PRICKLE2: variants seen among roughly 807,000 people sequenced by gnomAD.
PRICKLE2 encodes prickle planar cell polarity protein 2.
A neutral mutation model predicts 81.4 loss-of-function variants in PRICKLE2; 21 were observed. The observed-to-expected ratio is 0.26, with a 90% CI of 0.18 to 0.37. The LOEUF (loss-of-function observed/expected upper bound fraction) is 0.37, where lower values mean the gene tolerates loss of function less well. Among genes scored for constraint, PRICKLE2 ranks in the 10% least tolerant of loss-of-function variants. The pLI is 1.00. For missense variants in PRICKLE2, 940 were observed against 1,109.0 expected (o/e 0.85, Z 2.16); for synonymous variants, 456 against 421.5 (o/e 1.08, Z -1.00).
At chr3:64,129,340 T>C (rs2077165360) in intron 7 of PRICKLE2, among the ~76,000 whole-genome samples, 1 of 152,204 alleles carries the variant, frequency 6.6e-6, no homozygotes, top group South Asian at 2.1e-4. Context: ...AGCATTAATG[T>C]AAAGATTAAC....
At chr3:64,179,612 AT>A (rs1295156917) in intron 2 of PRICKLE2, among the ~76,000 whole-genome samples, 1 of 152,166 alleles carries the variant, frequency 6.6e-6, no homozygotes, top group Non-Finnish European at 1.5e-5. Flanking sequence ...GGCAATTCAA[AT>A]TTTTTATCCC....
chr3:64,110,855 G>C (rs748530482), intron 7 of PRICKLE2, among the ~76,000 whole-genome samples: 1 of 151,272 alleles, frequency 6.6e-6, no homozygotes, highest in Admixed American at 6.6e-5. Context: ...TAAAAGTGTC[G>C]GGAGGCTGAG....
intron 7 of PRICKLE2, among the ~76,000 whole-genome samples, chr3:64,140,887 CAGCTAA>C (rs2077350796): frequency 6.6e-6 from 1 of 152,188 alleles, no homozygotes; most frequent in South Asian, 2.1e-4. Context: ...CCTATCCCTT[CAGCTAA>C]AGCCGTTGTG....
Position 64,099,947 on chromosome 3 carries a change from C to G in PRICKLE2, c.1661-22G>C, listed in dbSNP as rs1369055327. The G allele has an allele frequency of 1.1e-5, 18 of 1,613,106 alleles. No homozygotes were observed. The East Asian group carries it at 3.8e-4, about 34-fold the overall frequency. ...AGGCCTGGGGAAGAGAGGAGGGGAC[C>G]ACAGAGATTAATACAGATGTGCAGC... On this transcript the variant is annotated intron_variant, in intron 7 of 7. Coordinates refer to ENST00000638394, the MANE Select transcript of PRICKLE2 (RefSeq NM_198859.4). This position sits in a 1 kb window ranked among gnomAD's most constrained non-coding sequence, Gnocchi z 4.3.
At chr3:64,254,703 A>T (rs1559606040) in intron 2 of PRICKLE2, among the ~76,000 whole-genome samples, 1 of 152,152 alleles carries the variant, frequency 6.6e-6, no homozygotes, top group African/African-American at 2.4e-5. Flanking sequence ...CCCTCCTCTC[A>T]AGTCAAAATT....
chr3:64,161,983 A>G (rs773226349), intron 3 of PRICKLE2, among the ~76,000 whole-genome samples: 20 of 152,206 alleles, frequency 1.3e-4, no homozygotes, highest in Non-Finnish European at 2.2e-4. Flanking sequence ...AGTAAAGAGG[A>G]TCATAGCTCT....
At chr3:64,259,974 C>T (rs538671566) in intron 2 of PRICKLE2, among the ~76,000 whole-genome samples, 12 of 152,210 alleles carry the variant, frequency 7.9e-5, no homozygotes, top group Non-Finnish European at 1.5e-4. Flanking sequence ...TCTCCCTAAG[C>T]ATAACACAGC....
chr3:64,200,740 CT>C (rs2078558532), intron 1 of PRICKLE2: 3 of 152,164 alleles, frequency 2.0e-5, no homozygotes, highest in Non-Finnish European at 2.9e-5. Flanking sequence ...CCTTGGCCTC[CT>C]GAGTAGCTGG....
chr3:64,146,910 A>C lies in PRICKLE2; in HGVS notation c.1580T>G (p.Leu527Arg). Residue 527 changes from leucine (L) to arginine (R), a missense_variant, in exon 7 of 8, where the codon CTG (leucine) becomes CGG (arginine). This residue lies in a region of PRICKLE2 where 670 missense variants were observed against 717.2 expected (regional missense o/e 0.93). Coordinates refer to ENST00000638394, the MANE Select transcript of PRICKLE2 (RefSeq NM_198859.4). Reference protein sequence around the residue: ...QCRTRHPISSLKYTEDMTPTE... With the variant: ...QCRTRHPISSRKYTEDMTPTE... Reference sequence around the variant, plus strand: ...GGGCGTCATGTCCTCTGTGTATTTCAGGGAACTGATGGGATGACGGGTCCG... The same window carrying C: ...GGGCGTCATGTCCTCTGTGTATTTCCGGGAACTGATGGGATGACGGGTCCG... 1 of 1,614,094 alleles carries C rather than the reference A, an allele frequency of 6.2e-7. No homozygotes were observed. Among genetic ancestry groups the C allele is most frequent in the Non-Finnish European group, 8.5e-7 (1 of 1,179,996 alleles).
In PRICKLE2 at chr3:64,099,256, G is replaced by A. The variant is rs757242010; in HGVS notation, c.2330C>T (p.Thr777Ile). 4.3e-6 allele frequency: 7 copies of A among 1,614,188 alleles called. No individual in the cohort carries two copies. The highest frequency in any genetic ancestry group is 1.3e-5 in the African/African-American group (1 of 75,050). ...PYFAEYDWCS[T>I]CSSSSESDNE... ...GTCAGACTCTGAAGAGGAGGAGCAG[G>A]TGGAACACCAATCATACTCGGCGAA... The change falls in exon 8 of 8, where the codon ACC becomes ATC. Residue 777 changes from threonine (T) to isoleucine (I), a missense_variant. Coordinates refer to ENST00000638394, the MANE Select transcript of PRICKLE2 (RefSeq NM_198859.4). The surrounding 1 kb of genome is among the most constrained non-coding windows in gnomAD (Gnocchi z 4.3).
rs1038275699 is a variant in PRICKLE2 at position 64,145,153 on chromosome 3, G to A, written c.1660+1677C>T. On this transcript the variant is annotated intron_variant, in intron 7 of 7. Transcript: ENST00000638394. ...GTCACTCTGCTGCCCAGGCTGGAGTGCAGAGGTGGGATCATTGCTTAGTTC... is the reference window on the plus strand; with the variant it reads ...GTCACTCTGCTGCCCAGGCTGGAGTACAGAGGTGGGATCATTGCTTAGTTC... Among the ~76,000 whole-genome samples, 5 of 144,246 alleles carry A rather than the reference G, an allele frequency of 3.5e-5. No individual in the cohort carries two copies. In the East Asian group the frequency reaches 1.0e-3, roughly 29 times the overall value. The allele number at this position is 144,246 out of a possible 152,430, so 94.6% of individuals were successfully genotyped here. A position where few individuals can be genotyped will look rare whatever the true frequency, so the allele number is the denominator to read the frequency against.
chr3:64,154,600 T>A (rs1286789825), intron 5 of PRICKLE2: 2 of 151,848 alleles, frequency 1.3e-5, no homozygotes, highest in South Asian at 2.1e-4. Context: ...AAAAAAACAA[T>A]AAAACGCTTA....
intron 2 of PRICKLE2, among the ~76,000 whole-genome samples, chr3:64,168,002 C>A (rs1575612269): frequency 6.6e-6 from 1 of 152,276 alleles, no homozygotes; most frequent in East Asian, 1.9e-4. Context: ...TTCAAGAGAT[C>A]TAGGAAGCCC....
At chr3:64,204,645 A>C (rs537769021) in intron 1 of PRICKLE2, among the ~76,000 whole-genome samples, 67 of 152,232 alleles carry the variant, frequency 4.4e-4, no homozygotes, top group African/African-American at 1.4e-3. Context: ...GAAAAAAAAA[A>C]CCAAAACCCT....
At chr3:64,152,609 C>T (rs1298486106) in intron 6 of PRICKLE2, among the ~76,000 whole-genome samples, 1 of 151,700 alleles carries the variant, frequency 6.6e-6, no homozygotes, top group Non-Finnish European at 1.5e-5. Flanking sequence ...TTGACAATCC[C>T]TCTCCACCAA....
chr3:64,229,202 A>G (rs570140346), upstream of PRICKLE2, among the ~76,000 whole-genome samples: 5 of 152,296 alleles, frequency 3.3e-5, no homozygotes, highest in African/African-American at 1.2e-4. Context: ...GCAACATGAC[A>G]CTGGCAGGTA....
At chr3:64,241,283 TGGAGCTGACTGATACA>T (rs1251764480) in intron 2 of PRICKLE2, among the ~76,000 whole-genome samples, 4 of 152,224 alleles carry the variant, frequency 2.6e-5, no homozygotes, top group African/African-American at 9.6e-5. Context: ...AGCCACCAGC[TGGAGCTGACTGATACA>T]GCCCTCTTTT....
intron 1 of PRICKLE2, among the ~76,000 whole-genome samples, chr3:64,204,268 G>A (rs1444639069): frequency 6.6e-6 from 1 of 152,086 alleles, no homozygotes; most frequent in Non-Finnish European, 1.5e-5. Context: ...GACATATACC[G>A]AGCCATATGC....
Position 64,178,035 on chromosome 3 carries a change from C to T in PRICKLE2, c.145-14906G>A, listed in dbSNP as rs796245244. 7.9e-5 allele frequency among the ~76,000 whole-genome samples: 12 copies of T among 152,282 alleles called. 1 individual carries two copies. The highest frequency in any genetic ancestry group is 2.9e-4 in the African/African-American group (12 of 41,562). Reference sequence around the variant, plus strand: ...TTGTCACCAGCAATGCACAGAAATTCCAGTTTCTCCACATCCTTACCAACA... The same window carrying T: ...TTGTCACCAGCAATGCACAGAAATTTCAGTTTCTCCACATCCTTACCAACA... On this transcript the variant is annotated intron_variant, in intron 2 of 7. Transcript: ENST00000638394.
Sources: allele counts gnomAD v4.1 joint callset (sites outside exome capture counted in the v4.1 genomes callset), GRCh38; gene constraint gnomAD v4.1.1; regional missense constraint gnomAD v4.1.1; non-coding constraint Gnocchi (gnomAD v3.1); transcripts MANE v1.5; gene names NCBI Gene and HGNC (gene_info 2026-07-23, HGNC 2026-07-21).